The following RAD51B variants were observed in gnomAD, a reference collection of about 807,000 sequenced individuals.
The protein encoded by RAD51B is DNA repair protein RAD51 homolog 2.
Under a neutral mutation model 42.2 loss-of-function variants are expected in RAD51B, and 38 were observed. That is an observed-to-expected ratio of 0.90 (90% confidence interval 0.70 to 1.18). The LOEUF is 1.18. Ranked by LOEUF, RAD51B falls within the 50% of genes most tolerant of loss-of-function variation. RAD51B has a pLI of 0.00. For missense variants in RAD51B, 373 were observed against 400.7 expected (o/e 0.93, Z 0.59); for synonymous variants, 154 against 145.2 (o/e 1.06, Z -0.43).
At chr14:67,885,304 A>G (rs2043030434) in intron 5 of RAD51B, among the ~76,000 whole-genome samples, 1 of 152,212 alleles carries the variant, frequency 6.6e-6, no homozygotes, top group Non-Finnish European at 1.5e-5. Context: ...TTGAGGCCAG[A>G]ATTCAGTGTT....
chr14:68,640,453 C>T (rs547339835), intron 10 of RAD51B, among the ~76,000 whole-genome samples: 21 of 152,314 alleles, frequency 1.4e-4, no homozygotes, highest in African/African-American at 4.8e-4. Context: ...AGTGCCAGTA[C>T]ATAGTAATTC....
At chr14:68,582,394 A>T (rs1890248802) in intron 10 of RAD51B, among the ~76,000 whole-genome samples, 3 of 152,276 alleles carry the variant, frequency 2.0e-5, no homozygotes, top group Non-Finnish European at 1.5e-5. Context: ...GTCAACAAAC[A>T]TATGGAAAAA....
intron 7 of RAD51B, among the ~76,000 whole-genome samples, chr14:68,203,327 G>A (rs546710921): frequency 1.3e-5 from 2 of 152,190 alleles, no homozygotes; most frequent in Non-Finnish European, 2.9e-5. Flanking sequence ...GCTCTTGGGT[G>A]ACTAGGAACA....
At chr14:67,969,652 TAAAC>T (rs985119008) in intron 7 of RAD51B, among the ~76,000 whole-genome samples, 2 of 152,200 alleles carry the variant, frequency 1.3e-5, no homozygotes, top group Non-Finnish European at 2.9e-5. Context: ...TACATTCTGA[TAAAC>T]TAAGAAGTTT....
chr14:68,131,431 C>G (rs1233212050), intron 7 of RAD51B, among the ~76,000 whole-genome samples: 1 of 152,156 alleles, frequency 6.6e-6, no homozygotes, highest in South Asian at 2.1e-4. Flanking sequence ...TGCGGTGGCT[C>G]ACGCCCGTAA....
At chr14:67,907,079 G>T (rs1420603605) in intron 7 of RAD51B, among the ~76,000 whole-genome samples, 2 of 152,068 alleles carry the variant, frequency 1.3e-5, no homozygotes, top group Non-Finnish European at 2.9e-5. Flanking sequence ...AAAGTTCTGG[G>T]ATTACAGGTG....
chr14:68,253,408 C>T (rs1407761509), intron 7 of RAD51B, among the ~76,000 whole-genome samples: 4 of 151,824 alleles, frequency 2.6e-5, no homozygotes, highest in Non-Finnish European at 1.5e-5. Context: ...CTGTTCTTCG[C>T]GTTTCTATTG....
chr14:68,545,760 C>T (rs1306795024), intron 10 of RAD51B: 2 of 398,040 alleles, frequency 5.0e-6, no homozygotes, highest in Non-Finnish European at 1.0e-5. Flanking sequence ...ATGAATAGGA[C>T]ATGGAATATA....
intron 7 of RAD51B, among the ~76,000 whole-genome samples, chr14:68,262,119 C>T (rs773479414): frequency 5.9e-5 from 9 of 152,114 alleles, no homozygotes; most frequent in African/African-American, 2.2e-4. Flanking sequence ...GTGCATTGTT[C>T]CATGTGAATG....
At chr14:68,669,374 A>C (rs1893103837) in intron 11 of RAD51B, among the ~76,000 whole-genome samples, 1 of 152,226 alleles carries the variant, frequency 6.6e-6, no homozygotes, top group Non-Finnish European at 1.5e-5. Context: ...CAGAGCACGT[A>C]GGCCACATCT....
At chr14:67,924,463 T>A (rs1184497079) in intron 7 of RAD51B, among the ~76,000 whole-genome samples, 1 of 152,144 alleles carries the variant, frequency 6.6e-6, no homozygotes, top group Non-Finnish European at 1.5e-5. Flanking sequence ...GACTGGGCAA[T>A]TTACAAAATA....
intron 10 of RAD51B, among the ~76,000 whole-genome samples, chr14:68,635,230 C>T (rs527954534): frequency 1.3e-5 from 2 of 152,170 alleles, no homozygotes; most frequent in South Asian, 2.1e-4. Context: ...ATGGATGGGG[C>T]TCCTCAGCCC....
intron 10 of RAD51B, among the ~76,000 whole-genome samples, chr14:68,580,356 A>G (rs1173439289): frequency 1.3e-5 from 2 of 150,270 alleles, no homozygotes; most frequent in Non-Finnish European, 1.5e-5. Flanking sequence ...TTGGAGGTCC[A>G]TCCTACCTTT....
chr14:68,104,494 G>A (rs1230670856), intron 7 of RAD51B, among the ~76,000 whole-genome samples: 1 of 152,044 alleles, frequency 6.6e-6, no homozygotes, highest in East Asian at 1.9e-4. Flanking sequence ...TTAGACCTAG[G>A]GTGACATGGT....
At chr14:68,191,415 G>T (rs74866817) in intron 7 of RAD51B, among the ~76,000 whole-genome samples, 1 of 152,160 alleles carries the variant, frequency 6.6e-6, no homozygotes, top group Non-Finnish European at 1.5e-5. Flanking sequence ...TGATAAGAAA[G>T]TGTCTAAGAA....
intron 8 of RAD51B, among the ~76,000 whole-genome samples, chr14:68,309,396 A>G (rs1362296866): frequency 2.0e-5 from 3 of 152,216 alleles, no homozygotes; most frequent in African/African-American, 4.8e-5. Flanking sequence ...ACTCATCACC[A>G]TCACGACTCA....
At chr14:67,942,074 T>G (rs1343237983) in intron 7 of RAD51B, among the ~76,000 whole-genome samples, 1 of 152,210 alleles carries the variant, frequency 6.6e-6, no homozygotes, top group East Asian at 1.9e-4. Flanking sequence ...AATAAAGTAG[T>G]TGGACCTGCT....
At chr14:68,091,279 T>C (rs1363621052) in intron 7 of RAD51B, among the ~76,000 whole-genome samples, 1 of 152,216 alleles carries the variant, frequency 6.6e-6, no homozygotes, top group Non-Finnish European at 1.5e-5. Context: ...ACCACCACAC[T>C]GACTTCCACA....
chr14:68,472,330 A>G (rs1161245879), intron 10 of RAD51B, among the ~76,000 whole-genome samples: 1 of 152,214 alleles, frequency 6.6e-6, no homozygotes, highest in Non-Finnish European at 1.5e-5. Context: ...TCTGTCATTG[A>G]AAGCAGCTGG....
Sources: allele counts gnomAD v4.1 joint callset (sites outside exome capture counted in the v4.1 genomes callset), GRCh38; gene constraint gnomAD v4.1.1; transcripts MANE v1.5; gene names NCBI Gene and HGNC (gene_info 2026-07-23, HGNC 2026-07-21).